CSMD1: variants seen among roughly 807,000 people sequenced by gnomAD.
The protein encoded by CSMD1 is CUB and sushi domain-containing protein 1.
In CSMD1, 213 loss-of-function variants were observed where a neutral mutation model predicts 417.5. The observed-to-expected ratio is 0.51, with a 90% CI of 0.46 to 0.57. The LOEUF is 0.57. Ranked by LOEUF, CSMD1 falls within the 20% of genes least tolerant of loss-of-function variation. The pLI, the probability that CSMD1 is intolerant of heterozygous loss-of-function variation, is 0.00. For missense variants in CSMD1, 6,923 were observed against 4,529.7 expected (o/e 1.53, Z -15.17); for synonymous variants, 2,862 against 1,736.8 (o/e 1.65, Z -16.11).
intron 3 of CSMD1, among the ~76,000 whole-genome samples, chr8:4,290,407 G>C (rs372188068): frequency 6.6e-6 from 1 of 152,208 alleles, no homozygotes; most frequent in Non-Finnish European, 1.5e-5. Context: ...ACACAGATCA[G>C]AAAGGTCTCT....
chr8:3,527,233 T>C (rs944676700), intron 10 of CSMD1, among the ~76,000 whole-genome samples: 3 of 152,180 alleles, frequency 2.0e-5, no homozygotes, highest in Non-Finnish European at 1.5e-5. Flanking sequence ...CAAATGTTAA[T>C]TGGCTCCTAA....
chr8:4,126,898 T>C (rs1029393200), intron 3 of CSMD1, among the ~76,000 whole-genome samples: 1 of 152,064 alleles, frequency 6.6e-6, no homozygotes, highest in African/African-American at 2.4e-5. Context: ...GGGAATGGGT[T>C]AGAACACAGG....
intron 5 of CSMD1, among the ~76,000 whole-genome samples, chr8:3,797,954 C>G (rs74974216): frequency 6.6e-6 from 1 of 151,922 alleles, no homozygotes; most frequent in Non-Finnish European, 1.5e-5. Context: ...GTTCTCATAA[C>G]TATTTACTGG....
chr8:4,316,852 A>G (rs190039707), intron 3 of CSMD1, among the ~76,000 whole-genome samples: 14 of 152,260 alleles, frequency 9.2e-5, no homozygotes, highest in Admixed American at 6.5e-4. Context: ...AGCTGCTTCT[A>G]TTAGTGATGT....
At chr8:4,876,567 C>A (rs1359783900) in intron 1 of CSMD1, among the ~76,000 whole-genome samples, 1 of 152,064 alleles carries the variant, frequency 6.6e-6, no homozygotes, top group Non-Finnish European at 1.5e-5. Context: ...TTTCACCGTA[C>A]AAGGATGCTT....
At chr8:4,934,976 T>C (rs2117208428) in intron 1 of CSMD1, among the ~76,000 whole-genome samples, 1 of 152,342 alleles carries the variant, frequency 6.6e-6, no homozygotes, top group East Asian at 1.9e-4. Flanking sequence ...CTATCATCTA[T>C]CAATCATCTG....
At chr8:3,894,528 C>A (rs905448952) in intron 5 of CSMD1, among the ~76,000 whole-genome samples, 4 of 152,022 alleles carry the variant, frequency 2.6e-5, no homozygotes, top group African/African-American at 9.7e-5. Context: ...AAAAATAATC[C>A]TATGATAGAT....
At chr8:4,294,723 C>G (rs1025177946) in intron 3 of CSMD1, among the ~76,000 whole-genome samples, 1 of 151,978 alleles carries the variant, frequency 6.6e-6, no homozygotes, top group Non-Finnish European at 1.5e-5. Context: ...CTCATATAAT[C>G]TATTTTTTTC....
At chr8:3,534,752 T>C (rs1047725162) in intron 10 of CSMD1, among the ~76,000 whole-genome samples, 1 of 152,224 alleles carries the variant, frequency 6.6e-6, no homozygotes, top group Non-Finnish European at 1.5e-5. Flanking sequence ...AGGTTGAGCA[T>C]ATGGCATCTT....
chr8:3,756,126 G>C (rs1420212806), intron 5 of CSMD1, among the ~76,000 whole-genome samples: 1 of 152,016 alleles, frequency 6.6e-6, no homozygotes, highest in Non-Finnish European at 1.5e-5. Flanking sequence ...GGAGGCCGAG[G>C]CAGGTGGATC....
chr8:4,731,343 G>T (rs1272356523), intron 1 of CSMD1, among the ~76,000 whole-genome samples: 1 of 152,000 alleles, frequency 6.6e-6, no homozygotes, highest in Non-Finnish European at 1.5e-5. Flanking sequence ...TAAGCTTACC[G>T]GCCATTCAGG....
intron 12 of CSMD1, among the ~76,000 whole-genome samples, chr8:3,435,651 C>G (rs1243956824): frequency 6.6e-6 from 1 of 152,170 alleles, no homozygotes; most frequent in African/African-American, 2.4e-5. Flanking sequence ...CAACTCCTCT[C>G]ACCTGCACGG....
chr8:3,544,978 C>T (rs565276422), intron 10 of CSMD1, among the ~76,000 whole-genome samples: 1 of 152,256 alleles, frequency 6.6e-6, no homozygotes, highest in South Asian at 2.1e-4. Context: ...CTTGATCCTT[C>T]ATTTTTGTTC....
Position 4,785,583 on chromosome 8 carries a change from G to A in CSMD1, c.86-148025C>T, listed in dbSNP as rs188368643. On this transcript the variant is annotated intron_variant, in intron 1 of 69. Transcript: ENST00000635120. Reference sequence around the variant, plus strand: ...CCATCTCCATAGTCCTGAGCCACTTGGAAGTCATCTGACTTCAGGGGGCTC... The same window carrying A: ...CCATCTCCATAGTCCTGAGCCACTTAGAAGTCATCTGACTTCAGGGGGCTC... 8.6e-5 allele frequency among the ~76,000 whole-genome samples: 13 copies of A among 151,964 alleles called. No individual in the cohort carries two copies. In the East Asian group the frequency reaches 2.4e-3, roughly 28 times the overall value.
At chr8:3,486,172 G>C (rs1474071987) in intron 11 of CSMD1, among the ~76,000 whole-genome samples, 1 of 152,142 alleles carries the variant, frequency 6.6e-6, no homozygotes, top group Admixed American at 6.5e-5. Context: ...TTCTGAACAT[G>C]GCAGAACTCT....
rs374842519 is a variant in CSMD1 at position 4,059,311 on chromosome 8, A to G, written c.416-27212T>C. On this transcript the variant is annotated intron_variant, in intron 3 of 69. Transcript: ENST00000635120. ...CAAAACACTGTGTAGAGTGAAATTTATAGCACTAAATGTCCACAAGAGAAA... is the reference window on the plus strand; with the variant it reads ...CAAAACACTGTGTAGAGTGAAATTTGTAGCACTAAATGTCCACAAGAGAAA... Among the ~76,000 whole-genome samples the G allele has an allele frequency of 7.4e-5, 8 of 107,806 alleles. No individual in the cohort carries two copies. The South Asian group carries it at 1.0e-3, about 14-fold the overall frequency. The allele number at this position is 107,806 out of a possible 152,430, so 70.7% of individuals were successfully genotyped here.
chr8:4,610,494 A>C (rs1296384395), intron 2 of CSMD1, among the ~76,000 whole-genome samples: 1 of 152,166 alleles, frequency 6.6e-6, no homozygotes, highest in African/African-American at 2.4e-5. Context: ...GAGACTCCAT[A>C]AACACCACTC....
intron 5 of CSMD1, among the ~76,000 whole-genome samples, chr8:3,834,838 C>G (rs1028808716): frequency 1.6e-4 from 25 of 151,844 alleles, no homozygotes; most frequent in African/African-American, 5.3e-4. Context: ...GGCTAATATC[C>G]AGAATCTACA....
chr8:4,359,079 TAC>T (rs1186950134), intron 3 of CSMD1, among the ~76,000 whole-genome samples: 2 of 152,166 alleles, frequency 1.3e-5, no homozygotes, highest in African/African-American at 4.8e-5. Context: ...GTATTCCAGT[TAC>T]ACATAGTATA....
Sources: gnomAD v4.1 joint callset for allele counts (sites outside exome capture counted in the v4.1 genomes callset) on GRCh38, gnomAD v4.1.1 for gene constraint, MANE v1.5 for transcripts, NCBI Gene and HGNC (gene_info 2026-07-23, HGNC 2026-07-21) for gene names.